Variants in DLG2 observed in about 807,000 individuals in gnomAD.
DLG2 encodes the protein disks large homolog 2.
A neutral mutation model predicts 132.5 loss-of-function variants in DLG2; 45 were observed. The observed-to-expected ratio is 0.34, with a 90% CI of 0.27 to 0.44. DLG2 has a LOEUF of 0.44. Ranked by LOEUF, DLG2 falls within the 20% of genes least tolerant of loss-of-function variation. The probability of loss-of-function intolerance (pLI) is 1.00; values close to 1 mark genes in which losing one functional copy is unlikely to be tolerated. For missense variants in DLG2, 1,045 were observed against 1,196.9 expected (o/e 0.87, Z 1.87); for synonymous variants, 424 against 419.6 (o/e 1.01, Z -0.13).
intron 10 of DLG2, among the ~76,000 whole-genome samples, chr11:84,081,270 C>A (rs1039373582): frequency 6.6e-6 from 1 of 152,014 alleles, no homozygotes; most frequent in African/African-American, 2.4e-5. Flanking sequence ...TTCTAGGTCA[C>A]TGTGCGAAGG....
intron 15 of DLG2, among the ~76,000 whole-genome samples, chr11:83,907,964 A>G (rs570502681): frequency 6.6e-6 from 1 of 152,256 alleles, no homozygotes; most frequent in South Asian, 2.1e-4. Flanking sequence ...CAGCTTCCCA[A>G]GTAGCTTGCC....
At chr11:85,069,412 G>T (rs2065445711) in intron 6 of DLG2, among the ~76,000 whole-genome samples, 1 of 152,200 alleles carries the variant, frequency 6.6e-6, no homozygotes, top group South Asian at 2.1e-4. Context: ...ATCTGACAAA[G>T]GGCTAATATC....
intron 6 of DLG2, among the ~76,000 whole-genome samples, chr11:84,790,940 T>C (rs1440111131): frequency 6.6e-6 from 1 of 152,158 alleles, no homozygotes; most frequent in Non-Finnish European, 1.5e-5. Context: ...GTTCTATTGG[T>C]CTATGTATTA....
At chr11:84,727,403 T>A (rs1477041168) in intron 6 of DLG2, among the ~76,000 whole-genome samples, 1 of 151,946 alleles carries the variant, frequency 6.6e-6, no homozygotes, top group Non-Finnish European at 1.5e-5. Flanking sequence ...TCTGATGGTT[T>A]TATATGGTGG....
chr11:84,719,927 G>A (rs377094851), intron 6 of DLG2, among the ~76,000 whole-genome samples: 1 of 152,140 alleles, frequency 6.6e-6, no homozygotes, highest in African/African-American at 2.4e-5. Context: ...GGCTCTAGGT[G>A]GTAGTAACCT....
chr11:83,747,318 TCCTTCCTTCCTGCCTTCCTTCCTG>T (rs1438533204), intron 18 of DLG2, among the ~76,000 whole-genome samples: 2 of 122,802 alleles, frequency 1.6e-5, no homozygotes, highest in African/African-American at 2.8e-5. Context: ...CTTCCTTCCT[TCCTTCCTTCCTGCCTTCCTTCCTG>T]CCTTCCTTCC....
At chr11:84,874,723 A>T (rs1600491442) in intron 6 of DLG2, among the ~76,000 whole-genome samples, 1 of 152,096 alleles carries the variant, frequency 6.6e-6, no homozygotes, top group East Asian at 1.9e-4. Flanking sequence ...TGAAAGACAT[A>T]CATAAGAAAG....
At chr11:84,772,496 C>A (rs573207479) in intron 6 of DLG2, among the ~76,000 whole-genome samples, 2 of 152,188 alleles carry the variant, frequency 1.3e-5, no homozygotes, top group Non-Finnish European at 2.9e-5. Flanking sequence ...AATATACATT[C>A]TTCTCATCTG....
At chr11:84,105,804 A>G in intron 9 of DLG2, among the ~76,000 whole-genome samples, 1 of 152,098 alleles carries the variant, frequency 6.6e-6, no homozygotes, top group Non-Finnish European at 1.5e-5. Context: ...CAAGATTCCT[A>G]TATGCTTCCC....
chr11:85,195,575 G>C (rs369749029), intron 4 of DLG2, among the ~76,000 whole-genome samples: 3 of 150,236 alleles, frequency 2.0e-5, no homozygotes, highest in Admixed American at 6.6e-5. Context: ...CCAGGCGGGA[G>C]TGCAGTGGCG....
intron 6 of DLG2, among the ~76,000 whole-genome samples, chr11:84,812,866 A>T (rs2076711853): frequency 6.6e-6 from 1 of 152,132 alleles, no homozygotes; most frequent in African/African-American, 2.4e-5. Flanking sequence ...TTGAAGTTCC[A>T]TATGGTGGTG....
At chr11:85,431,205 C>T (rs146126082) in intron 3 of DLG2, among the ~76,000 whole-genome samples, 2 of 152,282 alleles carry the variant, frequency 1.3e-5, no homozygotes, top group Non-Finnish European at 2.9e-5. Context: ...GCACCAGCAG[C>T]TGAGGTATCC....
chr11:85,492,098 T>A (rs2093573637), intron 3 of DLG2, among the ~76,000 whole-genome samples: 1 of 152,148 alleles, frequency 6.6e-6, no homozygotes, highest in Non-Finnish European at 1.5e-5. Context: ...GAAAATTGTT[T>A]AGAGCAAATT....
chr11:83,795,092 A>C (rs528478053), intron 17 of DLG2, among the ~76,000 whole-genome samples: 1 of 152,284 alleles, frequency 6.6e-6, no homozygotes, highest in East Asian at 1.9e-4. Flanking sequence ...TATGTATATG[A>C]CTTTTATTGG....
chr11:85,117,077 G>A (rs1380294603), intron 5 of DLG2, among the ~76,000 whole-genome samples: 1 of 151,990 alleles, frequency 6.6e-6, no homozygotes, highest in Non-Finnish European at 1.5e-5. Context: ...GGCTTCATAT[G>A]GGTTAGCCTG....
intron 6 of DLG2, among the ~76,000 whole-genome samples, chr11:84,662,848 C>G (rs1434306456): frequency 6.7e-6 from 1 of 150,248 alleles, no homozygotes; most frequent in Non-Finnish European, 1.5e-5. Flanking sequence ...TTAGATCCTT[C>G]CAGTCAGGGA....
At chr11:85,020,733 A>T in intron 6 of DLG2, 1 of 625,340 alleles carries the variant, frequency 1.6e-6, no homozygotes, top group South Asian at 1.4e-5. Flanking sequence ...TGGAAAGCTG[A>T]AACTGGATAA....
chr11:84,381,968 G>T (rs1467967799), intron 7 of DLG2, among the ~76,000 whole-genome samples: 1 of 152,124 alleles, frequency 6.6e-6, no homozygotes, highest in Non-Finnish European at 1.5e-5. Context: ...TGGATTTACA[G>T]TCATATCAAA....
chr11:84,528,746 C>T (rs1216578417), intron 7 of DLG2, among the ~76,000 whole-genome samples: 1 of 152,172 alleles, frequency 6.6e-6, no homozygotes, highest in Non-Finnish European at 1.5e-5. Context: ...AGACCTTGTA[C>T]CTTTTTAGCA....
Sources: gnomAD v4.1 joint callset for allele counts (sites outside exome capture counted in the v4.1 genomes callset) on GRCh38, gnomAD v4.1.1 for gene constraint, MANE v1.5 for transcripts, NCBI Gene and HGNC (gene_info 2026-07-23, HGNC 2026-07-21) for gene names.